NEBL: variants seen among roughly 807,000 people sequenced by gnomAD.
NEBL encodes the protein nebulette.
A neutral mutation model predicts 140.2 loss-of-function variants in NEBL; 122 were observed. The observed-to-expected ratio is 0.87, with a 90% confidence interval of 0.75 to 1.01. The LOEUF is 1.01. Ranked by LOEUF, NEBL falls within the 50% of genes least tolerant of loss-of-function variation. The probability of loss-of-function intolerance (pLI) is 0.00; values close to 1 mark genes in which losing one functional copy is unlikely to be tolerated. For missense variants in NEBL, 1,365 were observed against 1,231.3 expected, an observed-to-expected ratio of 1.11 and a Z score of -1.62; for synonymous variants, 436 against 398.9, an observed-to-expected ratio of 1.09 and a Z score of -1.11.
At chr10:20,861,261 T>G (rs1843669853) in intron 7 of NEBL, among the ~76,000 whole-genome samples, 1 of 152,136 alleles carries the variant, frequency 6.6e-6, no homozygotes, top group Non-Finnish European at 1.5e-5. Context: ...CACTGCAAGC[T>G]CCACCTCCCA....
intron 2 of NEBL, among the ~76,000 whole-genome samples, chr10:21,038,669 C>T (rs1267800256): frequency 6.6e-6 from 1 of 152,182 alleles, no homozygotes; most frequent in Non-Finnish European, 1.5e-5. Context: ...CTGCAATAAA[C>T]ATATGTGTGC....
intron 2 of NEBL, chr10:21,113,290 TAAAA>T (rs56366013): frequency 4.8e-5 from 6 of 124,062 alleles, no homozygotes; most frequent in South Asian, 1.1e-4. Context: ...ATGAGAATCC[TAAAA>T]AAAAAAAAAA....
At chr10:20,922,834 G>A (rs1383996231) in intron 4 of NEBL, among the ~76,000 whole-genome samples, 1 of 152,058 alleles carries the variant, frequency 6.6e-6, no homozygotes, top group East Asian at 1.9e-4. Flanking sequence ...TCAATTAAAG[G>A]GAAAGGGAAG....
chr10:20,895,900 G>T (rs144677239), intron 2 of NEBL, among the ~76,000 whole-genome samples: 165 of 152,274 alleles, frequency 1.1e-3, no homozygotes, highest in African/African-American at 3.8e-3. Context: ...GCATTTATAT[G>T]CATTACCATT....
At chr10:20,797,385 A>C (rs1425845671) in intron 26 of NEBL, among the ~76,000 whole-genome samples, 2 of 152,188 alleles carry the variant, frequency 1.3e-5, no homozygotes, top group Non-Finnish European at 2.9e-5. Flanking sequence ...CAATACCATC[A>C]ATCCATAAGG....
chr10:20,896,925 C>T (rs542786174), intron 2 of NEBL, 33 bp downstream of exon 2: 1 of 1,588,628 alleles, frequency 6.3e-7, no homozygotes, highest in East Asian at 2.2e-5. Flanking sequence ...AGGTGCAATG[C>T]AAAATAAGAC....
intron 21 of NEBL, 86 bp from the exon 22 acceptor site, chr10:20,815,803 C>A: frequency 1.0e-6 from 1 of 992,552 alleles, no homozygotes; most frequent in Non-Finnish European, 1.6e-6. Context: ...GGGTCTTGCT[C>A]TGTCACCCAG....
rs45560533 is a variant in NEBL, at chr10:20,782,761, T to G, written c.*2986A>C. ...ATTTCAAACTGGGCTACACTGCAAG[T>G]GTGTAAACAATAACAAGAAGACATG... On this transcript the variant is annotated 3_prime_UTR_variant, in exon 28 of 28. Coordinates refer to ENST00000377122, the MANE Select transcript of NEBL (RefSeq NM_006393.3). The G allele has an allele frequency of 0.011, 1,687 of 152,400 alleles. 12 individuals carry two copies. Among genetic ancestry groups the G allele is most frequent in the Non-Finnish European group, 0.016 (1,091 of 68,022 alleles). The allele number at this position is 152,400 out of a possible 1,614,324, so 9.4% of individuals were successfully genotyped here. A position where few individuals can be genotyped will look rare whatever the true frequency, so the allele number is the denominator to read the frequency against.
Position 20,897,245 on chromosome 10 carries a change from A to G in NEBL, c.-40T>C. The G allele has an allele frequency of 6.5e-7, 1 of 1,535,562 alleles. No homozygotes were observed. Among genetic ancestry groups the G allele is most frequent in the Non-Finnish European group, 8.7e-7 (1 of 1,144,172 alleles). ...ATATTTATATTTTTAAAATTTACTC[A>G]TGTGGCGTCCTTTTCCATACCACAG... On this transcript the variant is annotated 5_prime_UTR_variant, in exon 1 of 28. The change abolishes an upstream ATG in the 5' untranslated region. Transcript: ENST00000377122.
chr10:21,225,443 C>T (rs1034027358), intron 3 of NEBL, among the ~76,000 whole-genome samples: 2 of 152,138 alleles, frequency 1.3e-5, no homozygotes, highest in African/African-American at 4.8e-5. Flanking sequence ...AGTGGAGAAG[C>T]CAGCCAGCTT....
chr10:20,901,797 T>A (rs1159231137), upstream of NEBL, among the ~76,000 whole-genome samples: 1 of 152,208 alleles, frequency 6.6e-6, no homozygotes, highest in Non-Finnish European at 1.5e-5. Flanking sequence ...CTCAGTTGAA[T>A]CCCTAGTCAT....
intron 3 of NEBL, among the ~76,000 whole-genome samples, chr10:21,000,890 G>A (rs148632920): frequency 6.6e-6 from 1 of 152,280 alleles, no homozygotes; most frequent in East Asian, 1.9e-4. Context: ...GCCAGGAAGG[G>A]CCACATTGGG....
intron 3 of NEBL, among the ~76,000 whole-genome samples, chr10:21,238,945 C>T (rs1842400015): frequency 6.6e-6 from 1 of 152,124 alleles, no homozygotes; most frequent in African/African-American, 2.4e-5. Flanking sequence ...CTCAGGGCTA[C>T]AGCGTGTTTG....
At chr10:20,820,821 T>C (rs972233135) in intron 19 of NEBL, among the ~76,000 whole-genome samples, 2 of 151,388 alleles carry the variant, frequency 1.3e-5, no homozygotes, top group African/African-American at 2.4e-5. Flanking sequence ...TAAGACTCTA[T>C]CTCAAAAAAC....
intron 2 of NEBL, among the ~76,000 whole-genome samples, chr10:21,081,147 A>G (rs928430507): frequency 6.6e-6 from 1 of 152,126 alleles, no homozygotes; most frequent in African/African-American, 2.4e-5. Context: ...GAGCCACCAC[A>G]CCTGGCTGAT....
chr10:20,842,125 G>T (rs547822184), intron 12 of NEBL, among the ~76,000 whole-genome samples: 1 of 152,068 alleles, frequency 6.6e-6, no homozygotes, highest in African/African-American at 2.4e-5. Flanking sequence ...TAATTCTAGG[G>T]TTCATTTCAT....
chr10:21,188,363 G>A, intron 3 of NEBL, among the ~76,000 whole-genome samples: 1 of 152,110 alleles, frequency 6.6e-6, no homozygotes, highest in East Asian at 1.9e-4. Flanking sequence ...GGAACACTAA[G>A]AAAATCCAAG....
intron 1 of NEBL, among the ~76,000 whole-genome samples, chr10:21,285,015 G>A (rs1843037986): frequency 6.6e-6 from 1 of 152,062 alleles, no homozygotes; most frequent in South Asian, 2.1e-4. Context: ...GAGCTATCGT[G>A]GTACCACTGC....
At chr10:20,788,783 T>C (rs1835661236) in intron 26 of NEBL, among the ~76,000 whole-genome samples, 1 of 152,192 alleles carries the variant, frequency 6.6e-6, no homozygotes, top group Non-Finnish European at 1.5e-5. Flanking sequence ...ATGTTAAAGA[T>C]ATTGTCAAAA....
Sources: gnomAD v4.1 joint callset for allele counts (sites outside exome capture counted in the v4.1 genomes callset) on GRCh38, gnomAD v4.1.1 for gene constraint, MANE v1.5 for transcripts, NCBI Gene and HGNC (gene_info 2026-07-23, HGNC 2026-07-21) for gene names.